The following KCNC2 variants were observed in gnomAD, a reference collection of about 807,000 sequenced individuals.
The protein encoded by KCNC2 is potassium voltage-gated channel subfamily C member 2.
Under a neutral mutation model 44.5 loss-of-function variants are expected in KCNC2, and 21 were observed. The observed-to-expected ratio is 0.47, with a 90% CI of 0.33 to 0.68. KCNC2 has a LOEUF of 0.68. Ranked by LOEUF, KCNC2 falls within the 30% of genes least tolerant of loss-of-function variation. The probability of loss-of-function intolerance (pLI) is 0.01; values close to 1 mark genes in which losing one functional copy is unlikely to be tolerated. For synonymous variants in KCNC2, 391 were observed against 339.1 expected (o/e 1.15, Z -1.68); for missense variants, 589 against 826.2 (o/e 0.71, Z 3.52).
chr12:75,069,151 T>TTTTTTTTTTA (rs869250638), intron 2 of KCNC2, among the ~76,000 whole-genome samples: 6 of 142,670 alleles, frequency 4.2e-5, no homozygotes, highest in South Asian at 4.6e-4. Context: ...TTTTTTTTTT[T>TTTTTTTTTTA]GAGACGGAAT....
intron 2 of KCNC2, among the ~76,000 whole-genome samples, chr12:75,182,520 C>CAAAAAAAAAAAAAAAAAA (rs71438888): frequency 4.9e-5 from 4 of 81,426 alleles, no homozygotes; most frequent in South Asian, 4.6e-4. Flanking sequence ...GATTCCGTCT[C>CAAAAAAAAAAAAAAAAAA]AAAAAAAAAA....
At chr12:75,126,139 C>A (rs1184904785) in intron 2 of KCNC2, among the ~76,000 whole-genome samples, 4 of 152,116 alleles carry the variant, frequency 2.6e-5, no homozygotes, top group African/African-American at 9.7e-5. Context: ...TACTACTACA[C>A]AAAGCAGTAA....
Position 75,207,204 on chromosome 12 carries a change from A to G in KCNC2, c.687+93T>C. ...AAATCCCGGGTCTCTTCTACCCCCC[A>G]TGCCTGAGGCCCTGGGGTGGAAAAG... On this transcript the variant is annotated intron_variant, in intron 2 of 4. Transcript: ENST00000549446. This position sits in a 1 kb window ranked among gnomAD's most constrained non-coding sequence, Gnocchi z 4.1. 2 of 1,479,748 alleles carry G rather than the reference A, an allele frequency of 1.4e-6. No individual in the cohort carries two copies. The highest frequency in any genetic ancestry group is 2.8e-5 in the Admixed American group (1 of 35,796). The allele number at this position is 1,479,748 out of a possible 1,614,324, so 91.7% of individuals were successfully genotyped here. A position where few individuals can be genotyped will look rare whatever the true frequency, so the allele number is the denominator to read the frequency against.
At chr12:75,136,237 G>A (rs894683253) in intron 2 of KCNC2, among the ~76,000 whole-genome samples, 15 of 151,708 alleles carry the variant, frequency 9.9e-5, no homozygotes, top group African/African-American at 1.2e-4. Context: ...CTAAAAAATC[G>A]AAAAATCAGA....
At chr12:75,199,727 T>C (rs1315982809) in intron 2 of KCNC2, among the ~76,000 whole-genome samples, 1 of 151,920 alleles carries the variant, frequency 6.6e-6, no homozygotes, top group Non-Finnish European at 1.5e-5. Flanking sequence ...GACCTGGTTA[T>C]TTACATTTGA....
Position 75,207,276 on chromosome 12 carries a change from A to C in KCNC2, c.687+21T>G, listed in dbSNP as rs1310468824. 19 of 1,517,040 alleles carry C rather than the reference A, an allele frequency of 1.3e-5. No individual in the cohort carries two copies. The highest frequency in any genetic ancestry group is 1.5e-5 in the Non-Finnish European group (17 of 1,137,378). The allele number at this position is 1,517,040 out of a possible 1,614,324, so 94.0% of individuals were successfully genotyped here. Reference sequence around the variant, plus strand: ...TTGGGAGAAGTTGAAGCAGCAGGGAAGGGGTCGATTCTGGCCTTACCCTGG... The same window carrying C: ...TTGGGAGAAGTTGAAGCAGCAGGGACGGGGTCGATTCTGGCCTTACCCTGG... On this transcript the variant is annotated intron_variant, in intron 2 of 4. Transcript: ENST00000549446. This position sits in a 1 kb window ranked among gnomAD's most constrained non-coding sequence, Gnocchi z 4.1.
chr12:75,082,292 C>T lies in KCNC2; in HGVS notation c.688-30975G>A, dbSNP rs181161913. 7.9e-5 allele frequency among the ~76,000 whole-genome samples: 12 copies of T among 151,688 alleles called. No homozygotes were observed. In the East Asian group the frequency reaches 1.7e-3, roughly 22 times the overall value. ...AAAATTCATGAAGTAATAATAATAACAATAAAGGTAATAATAATTTTACTT... is the reference window on the plus strand; with the variant it reads ...AAAATTCATGAAGTAATAATAATAATAATAAAGGTAATAATAATTTTACTT... On this transcript the variant is annotated intron_variant, in intron 2 of 4. Coordinates refer to ENST00000549446, the MANE Select transcript of KCNC2 (RefSeq NM_139137.4).
At chr12:75,075,395 T>C (rs1883833588) in intron 2 of KCNC2, among the ~76,000 whole-genome samples, 1 of 150,714 alleles carries the variant, frequency 6.6e-6, no homozygotes, top group Non-Finnish European at 1.5e-5. Context: ...CCTTACTACT[T>C]TGGGGAAAAG....
At chr12:75,202,596 A>T (rs1246850880) in intron 2 of KCNC2, among the ~76,000 whole-genome samples, 1 of 151,790 alleles carries the variant, frequency 6.6e-6, no homozygotes, top group Non-Finnish European at 1.5e-5. Context: ...CACACCTCCA[A>T]ATAGCTCAAT....
intron 2 of KCNC2, among the ~76,000 whole-genome samples, chr12:75,154,874 C>G (rs1171922666): frequency 7.2e-5 from 11 of 151,958 alleles, no homozygotes; most frequent in Non-Finnish European, 4.4e-5. Context: ...ACAGCAACTG[C>G]CATGCAAGAT....
chr12:75,162,395 A>G (rs1199268383), intron 2 of KCNC2, among the ~76,000 whole-genome samples: 1 of 151,746 alleles, frequency 6.6e-6, no homozygotes, highest in East Asian at 1.9e-4. Flanking sequence ...TCATTCTATG[A>G]CATACTGAGT....
intron 2 of KCNC2, among the ~76,000 whole-genome samples, chr12:75,143,962 G>A (rs1054430794): frequency 5.9e-5 from 9 of 152,114 alleles, no homozygotes; most frequent in African/African-American, 2.2e-4. Flanking sequence ...TAAAAATGAT[G>A]CACAAAAGGT....
chr12:75,093,305 T>C (rs530635755), intron 2 of KCNC2, among the ~76,000 whole-genome samples: 1 of 151,614 alleles, frequency 6.6e-6, no homozygotes, highest in African/African-American at 2.4e-5. Context: ...ACTTCGCATA[T>C]GTTACAAGAT....
At chr12:75,152,445 T>C (rs541368928) in intron 2 of KCNC2, among the ~76,000 whole-genome samples, 19 of 152,014 alleles carry the variant, frequency 1.2e-4, no homozygotes, top group Non-Finnish European at 2.5e-4. Context: ...TACAATTCCA[T>C]GTGTATATTT....
intron 4 of KCNC2, among the ~76,000 whole-genome samples, chr12:75,047,395 A>G (rs1182218852): frequency 2.6e-5 from 4 of 152,070 alleles, no homozygotes; most frequent in African/African-American, 9.7e-5. Context: ...GATAAGTGGG[A>G]GCTTCAATAT....
At chr12:75,147,974 C>A (rs937782835) in intron 2 of KCNC2, among the ~76,000 whole-genome samples, 1 of 152,104 alleles carries the variant, frequency 6.6e-6, no homozygotes, top group Non-Finnish European at 1.5e-5. Flanking sequence ...TTGGACTTCA[C>A]TATAAAAGCT....
intron 2 of KCNC2, among the ~76,000 whole-genome samples, chr12:75,128,501 G>T (rs1437332087): frequency 1.3e-5 from 2 of 152,006 alleles, no homozygotes; most frequent in African/African-American, 4.8e-5. Flanking sequence ...AAAACAAAAC[G>T]GGTCAAAAAA....
At chr12:75,133,166 T>C (rs1477141936) in intron 2 of KCNC2, among the ~76,000 whole-genome samples, 1 of 151,750 alleles carries the variant, frequency 6.6e-6, no homozygotes, top group Non-Finnish European at 1.5e-5. Flanking sequence ...ATAAAGAGAG[T>C]TTGGTTAATG....
At chr12:75,109,666 A>G (rs1887069309) in intron 2 of KCNC2, among the ~76,000 whole-genome samples, 1 of 152,030 alleles carries the variant, frequency 6.6e-6, no homozygotes, top group African/African-American at 2.4e-5. Flanking sequence ...AATTCTATTG[A>G]GTTTTTACCC....
Sources: gnomAD v4.1 joint callset for allele counts (sites outside exome capture counted in the v4.1 genomes callset) on GRCh38, gnomAD v4.1.1 for gene constraint, Gnocchi (gnomAD v3.1) non-coding constraint, MANE v1.5 for transcripts, NCBI Gene and HGNC (gene_info 2026-07-23, HGNC 2026-07-21) for gene names.